PDE4B: variants seen among roughly 807,000 people sequenced by gnomAD.
PDE4B encodes the protein 3',5'-cyclic-AMP phosphodiesterase 4B.
In PDE4B, 20 loss-of-function variants were observed where a neutral mutation model predicts 82.2. That is an observed-to-expected ratio of 0.24 (90% confidence interval 0.17 to 0.35). The LOEUF (loss-of-function observed/expected upper bound fraction) is 0.35, where lower values mean the gene tolerates loss of function less well. Ranked by LOEUF, PDE4B falls within the 10% of genes least tolerant of loss-of-function variation. PDE4B has a pLI of 1.00. For missense variants in PDE4B, 655 were observed against 907.2 expected (o/e 0.72, Z 3.57); for synonymous variants, 320 against 318.9 (o/e 1.00, Z -0.04).
chr1:66,030,543 T>G lies in PDE4B; in HGVS notation c.281+111708T>G, dbSNP rs111517958. Among the ~76,000 whole-genome samples the G allele has an allele frequency of 9.9e-3, 1,505 of 152,330 alleles. 27 individuals carry two copies. Among genetic ancestry groups the G allele is most frequent in the African/African-American group, 0.034 (1,426 of 41,558 alleles). ...ATTACTGATTCAATTTGTGAACTTTTTATTGTTCTGTTCAGGTTTTTGCTT... is the reference window on the plus strand; with the variant it reads ...ATTACTGATTCAATTTGTGAACTTTGTATTGTTCTGTTCAGGTTTTTGCTT... On this transcript the variant is annotated intron_variant, in intron 3 of 16. Coordinates refer to ENST00000341517, the MANE Select transcript of PDE4B (RefSeq NM_002600.4).
chr1:66,052,159 T>C (rs1445745266), intron 3 of PDE4B, among the ~76,000 whole-genome samples: 7 of 152,194 alleles, frequency 4.6e-5, no homozygotes, highest in Admixed American at 2.6e-4. Context: ...AGAATACAAC[T>C]GGCATCATAT....
At chr1:66,047,963 G>C (rs80209020) in intron 3 of PDE4B, among the ~76,000 whole-genome samples, 1 of 151,902 alleles carries the variant, frequency 6.6e-6, no homozygotes, top group Non-Finnish European at 1.5e-5. Context: ...AGTGACAGAC[G>C]AATCATTTCC....
intron 3 of PDE4B, among the ~76,000 whole-genome samples, chr1:65,966,644 A>G (rs1475679379): frequency 6.6e-6 from 1 of 152,200 alleles, no homozygotes; most frequent in African/African-American, 2.4e-5. Flanking sequence ...CTGACTTCAA[A>G]CTATACTACA....
chr1:66,271,601 C>A (rs905813994), intron 7 of PDE4B, among the ~76,000 whole-genome samples: 1 of 152,210 alleles, frequency 6.6e-6, no homozygotes, highest in African/African-American at 2.4e-5. Context: ...GCAGACCTAT[C>A]TCCAAACACA....
intron 3 of PDE4B, among the ~76,000 whole-genome samples, chr1:65,969,051 A>G (rs764685127): frequency 3.9e-5 from 6 of 152,176 alleles, no homozygotes; most frequent in Non-Finnish European, 8.8e-5. Flanking sequence ...ATTTTACCTG[A>G]GAAACACCGT....
intron 1 of PDE4B, among the ~76,000 whole-genome samples, chr1:65,815,752 A>T (rs1645875556): frequency 6.6e-6 from 1 of 152,238 alleles, no homozygotes; most frequent in Non-Finnish European, 1.5e-5. Flanking sequence ...TTATTAAATA[A>T]AATGCACTTA....
At chr1:66,088,009 A>T (rs926188703) in intron 3 of PDE4B, among the ~76,000 whole-genome samples, 11 of 152,116 alleles carry the variant, frequency 7.2e-5, no homozygotes, top group Middle Eastern at 3.4e-3. Context: ...CCTAAAACTT[A>T]AAGTATAATA....
chr1:66,280,656 C>G (rs1266497046), intron 7 of PDE4B, among the ~76,000 whole-genome samples: 2 of 152,180 alleles, frequency 1.3e-5, no homozygotes, highest in Non-Finnish European at 2.9e-5. Flanking sequence ...AACTTATCTC[C>G]ATTTCCCTGT....
At chr1:66,090,693 A>ATG (rs1645002336) in intron 3 of PDE4B, among the ~76,000 whole-genome samples, 1 of 79,972 alleles carries the variant, frequency 1.3e-5, no homozygotes, top group Non-Finnish European at 2.8e-5. Context: ...GTATCTGTAT[A>ATG]TAAGTATATG....
intron 8 of PDE4B, among the ~76,000 whole-genome samples, chr1:66,340,508 G>A (rs1222597024): frequency 6.6e-6 from 1 of 152,054 alleles, no homozygotes; most frequent in Non-Finnish European, 1.5e-5. Context: ...AGCCCCCAAA[G>A]ATTGAAGTTT....
At chr1:66,023,711 A>G (rs1570009197) in intron 3 of PDE4B, among the ~76,000 whole-genome samples, 2 of 152,180 alleles carry the variant, frequency 1.3e-5, no homozygotes, top group Non-Finnish European at 1.5e-5. Context: ...GAAAAGAACC[A>G]TGAAAGCAGA....
chr1:65,958,414 G>A (rs1482245262), intron 3 of PDE4B, among the ~76,000 whole-genome samples: 7 of 151,950 alleles, frequency 4.6e-5, no homozygotes, highest in African/African-American at 7.2e-5. Context: ...TTTCATAAGT[G>A]AAGTTGACTG....
At chr1:66,238,412 C>T (rs532156685) in intron 3 of PDE4B, among the ~76,000 whole-genome samples, 136 of 152,088 alleles carry the variant, frequency 8.9e-4, no homozygotes, top group Non-Finnish European at 1.6e-3. Context: ...TGGATTTTAT[C>T]CTACAGGCAG....
At chr1:66,288,896 G>C (rs771191820) in intron 7 of PDE4B, among the ~76,000 whole-genome samples, 2 of 152,186 alleles carry the variant, frequency 1.3e-5, no homozygotes, top group Non-Finnish European at 2.9e-5. Flanking sequence ...TCATGATCCA[G>C]CTTTTTAAGT....
At chr1:65,899,284 C>G (rs1278882027) in intron 1 of PDE4B, among the ~76,000 whole-genome samples, 1 of 151,930 alleles carries the variant, frequency 6.6e-6, no homozygotes, top group Non-Finnish European at 1.5e-5. Context: ...TTCACTCCTA[C>G]AAGAATGGCC....
intron 1 of PDE4B, among the ~76,000 whole-genome samples, chr1:65,796,646 C>CTTTTT (rs71058429): frequency 1.3e-5 from 1 of 76,306 alleles, no homozygotes; most frequent in Non-Finnish European, 2.4e-5. Flanking sequence ...CTTGCTGAAA[C>CTTTTT]TTTTTTTTTT....
At chr1:65,952,410 A>G (rs769020881) in intron 3 of PDE4B, among the ~76,000 whole-genome samples, 3 of 151,990 alleles carry the variant, frequency 2.0e-5, no homozygotes, top group Non-Finnish European at 4.4e-5. Context: ...GCCAGGCGCG[A>G]TGGCTCATGC....
At chr1:65,844,982 AT>A (rs1227667436) in intron 1 of PDE4B, among the ~76,000 whole-genome samples, 3 of 152,180 alleles carry the variant, frequency 2.0e-5, no homozygotes, top group Admixed American at 6.6e-5. Context: ...TGATAACTGT[AT>A]GCCTAGACAG....
At chr1:66,078,116 AT>A (rs1656523472) in intron 3 of PDE4B, among the ~76,000 whole-genome samples, 1 of 152,062 alleles carries the variant, frequency 6.6e-6, no homozygotes, top group South Asian at 2.1e-4. Context: ...TACTGAGTCC[AT>A]TTTTTTAAGG....
Sources: allele counts gnomAD v4.1 joint callset (sites outside exome capture counted in the v4.1 genomes callset), GRCh38; gene constraint gnomAD v4.1.1; transcripts MANE v1.5; gene names NCBI Gene and HGNC (gene_info 2026-07-23, HGNC 2026-07-21).